Variants in TRDN observed in about 807,000 individuals in gnomAD.
The protein encoded by TRDN is triadin in skeletal muscle.
In TRDN, 161 loss-of-function variants were observed where a neutral mutation model predicts 149.7. The observed-to-expected ratio is 1.08, with a 90% confidence interval of 0.95 to 1.23. The LOEUF (loss-of-function observed/expected upper bound fraction) is 1.23. Among genes scored for constraint, TRDN ranks in the 50% most tolerant of loss-of-function variants. TRDN has a pLI of 0.00. For missense variants in TRDN, 896 were observed against 823.5 expected, an observed-to-expected ratio of 1.09 and a Z score of -1.08; for synonymous variants, 294 against 250.5, an observed-to-expected ratio of 1.17 and a Z score of -1.64.
chr6:123,314,507 G>C (rs1192631889), intron 24 of TRDN, among the ~76,000 whole-genome samples: 1 of 151,936 alleles, frequency 6.6e-6, no homozygotes, highest in Non-Finnish European at 1.5e-5. Flanking sequence ...ATACCCAGAG[G>C]AAAATAAATC....
chr6:123,444,774 T>A (rs564212814), intron 10 of TRDN, among the ~76,000 whole-genome samples: 13 of 152,322 alleles, frequency 8.5e-5, no homozygotes, highest in African/African-American at 2.9e-4. Context: ...TCTATTGAGA[T>A]AATTATGTGG....
intron 32 of TRDN, among the ~76,000 whole-genome samples, chr6:123,265,695 T>C (rs1251231741): frequency 6.8e-6 from 1 of 148,054 alleles, no homozygotes; most frequent in Non-Finnish European, 1.5e-5. Flanking sequence ...TTGGAATACA[T>C]ATTAATATTA....
rs1293265495 is a variant in TRDN at position 123,516,124 on chromosome 6, T to A, written c.550+17A>T. On this transcript the variant is annotated intron_variant, in intron 6 of 40. Transcript: ENST00000334268. ...AAGGACTCAGTGTGTTAAACAGTAA[T>A]AAAAGTAACTTCATACCTTTCTTTT... is the stretch of plus-strand genomic sequence containing the variant. 1.4e-6 allele frequency: 2 copies of A among 1,475,082 alleles called. No individual in the cohort carries two copies. The highest frequency in any genetic ancestry group is 4.6e-5 in the Admixed American group (2 of 43,420). 91.4% of individuals were successfully genotyped at this position (1,475,082 alleles called of 1,614,324 possible).
chr6:123,370,369 TATTTA>T (rs1424056083), intron 19 of TRDN, among the ~76,000 whole-genome samples: 1 of 152,126 alleles, frequency 6.6e-6, no homozygotes, highest in African/African-American at 2.4e-5. Context: ...TAAACTGTAT[TATTTA>T]ATTTGTGTGA....
chr6:123,354,670 A>G (rs1473342990), intron 20 of TRDN, among the ~76,000 whole-genome samples: 3 of 151,874 alleles, frequency 2.0e-5, no homozygotes, highest in Non-Finnish European at 3.0e-5. Context: ...TGGAAAATAT[A>G]CAAGAGGTTA....
intron 24 of TRDN, among the ~76,000 whole-genome samples, chr6:123,289,852 A>G (rs1777938706): frequency 6.6e-6 from 1 of 152,106 alleles, no homozygotes; most frequent in Non-Finnish European, 1.5e-5. Flanking sequence ...CAGAGCCAGA[A>G]TCAGTGTGCC....
In TRDN at chr6:123,609,665, T is replaced by C. The variant is rs139560224; in HGVS notation, c.22+27089A>G. Among the ~76,000 whole-genome samples, 428 of 152,296 alleles carry C rather than the reference T, an allele frequency of 2.8e-3. 2 individuals are homozygous for C. The highest frequency in any genetic ancestry group is 9.8e-3 in the African/African-American group (406 of 41,580). The stretch of plus-strand genomic sequence containing the variant: ...CTTCTCCAAACTGACTTGAATTGGT[T>C]CTTAAAGACTTCACTCACGTATCTC... On this transcript the variant is annotated intron_variant, in intron 1 of 40. Coordinates refer to ENST00000334268, the MANE Select transcript of TRDN (RefSeq NM_006073.4).
chr6:123,267,994 A>T (rs1170072567), intron 31 of TRDN, among the ~76,000 whole-genome samples: 1 of 152,122 alleles, frequency 6.6e-6, no homozygotes, highest in Non-Finnish European at 1.5e-5. Context: ...TTAGGGTTTT[A>T]TCCCTTTGGG....
chr6:123,449,367 T>TA (rs1278294333), intron 10 of TRDN, among the ~76,000 whole-genome samples: 1 of 151,850 alleles, frequency 6.6e-6, no homozygotes, highest in African/African-American at 2.4e-5. Flanking sequence ...ATAGATCGAT[T>TA]AAAAAAAATC....
At chr6:123,490,244 C>A (rs968571076) in intron 9 of TRDN, among the ~76,000 whole-genome samples, 1 of 152,074 alleles carries the variant, frequency 6.6e-6, no homozygotes, top group African/African-American at 2.4e-5. Flanking sequence ...TCCAAGATAT[C>A]CAGTAGATAC....
intron 26 of TRDN, 136 bp from the exon 27 acceptor site, chr6:123,274,806 G>A (rs777763904): frequency 7.7e-6 from 6 of 783,370 alleles, no homozygotes; most frequent in Non-Finnish European, 1.2e-5. Flanking sequence ...CCAGGAGGCA[G>A]AGGTTTCAGT....
intron 33 of TRDN, among the ~76,000 whole-genome samples, chr6:123,262,734 A>T (rs1020806553): frequency 6.6e-6 from 1 of 152,062 alleles, no homozygotes; most frequent in South Asian, 2.1e-4. Context: ...TGATTCTCAC[A>T]ATATTTCAAA....
intron 2 of TRDN, among the ~76,000 whole-genome samples, chr6:123,557,125 A>G (rs1000314131): frequency 2.7e-5 from 4 of 147,290 alleles, no homozygotes; most frequent in African/African-American, 1.0e-4. Context: ...CAAATCTTAT[A>G]AAACGGCCGC....
rs1178460210 is a variant in TRDN, at chr6:123,388,504, A to G, written c.1135+18T>C. On this transcript the variant is annotated intron_variant, in intron 14 of 40. Coordinates refer to ENST00000334268, the MANE Select transcript of TRDN (RefSeq NM_006073.4). ...TTGTACTCACAAAAGGCTCAGTGGGATTTTGCATAAAACATACCTTCCTTC... is the reference window on the plus strand; with the variant it reads ...TTGTACTCACAAAAGGCTCAGTGGGGTTTTGCATAAAACATACCTTCCTTC... 6.3e-7 allele frequency: 1 copy of G among 1,583,086 alleles called. No individual in the cohort carries two copies. The highest frequency in any genetic ancestry group is 8.6e-7 in the Non-Finnish European group (1 of 1,162,216).
chr6:123,609,010 T>C (rs1784659022), intron 1 of TRDN, among the ~76,000 whole-genome samples: 1 of 151,858 alleles, frequency 6.6e-6, no homozygotes, highest in Non-Finnish European at 1.5e-5. Context: ...CCGTCTCTAC[T>C]AAAAATACAA....
intron 12 of TRDN, among the ~76,000 whole-genome samples, chr6:123,411,130 T>G (rs1773422592): frequency 6.7e-6 from 1 of 149,702 alleles, no homozygotes; most frequent in Admixed American, 6.7e-5. Flanking sequence ...CACTGCAACC[T>G]CCACCTCCTG....
At chr6:123,228,800 T>C (rs1582746181) in intron 38 of TRDN, among the ~76,000 whole-genome samples, 1 of 151,784 alleles carries the variant, frequency 6.6e-6, no homozygotes, top group East Asian at 2.0e-4. Context: ...CAGAGTCAAG[T>C]TATGCATGAG....
chr6:123,313,395 A>G (rs1331549490), intron 24 of TRDN, among the ~76,000 whole-genome samples: 2 of 151,946 alleles, frequency 1.3e-5, no homozygotes, highest in African/African-American at 4.8e-5. Context: ...GCCTTCTTGC[A>G]CTGATTCTTT....
intron 14 of TRDN, among the ~76,000 whole-genome samples, chr6:123,385,925 T>A (rs1781891626): frequency 6.6e-6 from 1 of 152,166 alleles, no homozygotes; most frequent in Admixed American, 6.6e-5. Context: ...CTCACTGGAA[T>A]ATACCTCCTA....
Sources: gnomAD v4.1 joint callset for allele counts (sites outside exome capture counted in the v4.1 genomes callset) on GRCh38, gnomAD v4.1.1 for gene constraint, MANE v1.5 for transcripts, NCBI Gene and HGNC (gene_info 2026-07-23, HGNC 2026-07-21) for gene names.